The following PRMT8 variants were observed in gnomAD, a reference collection of about 807,000 sequenced individuals.
PRMT8 encodes the protein protein arginine methyltransferase 8.
Under a neutral mutation model 47.1 loss-of-function variants are expected in PRMT8, and 7 were observed. The ratio of observed to expected loss-of-function variants is 0.15; its 90% CI spans 0.08 to 0.28. The LOEUF is 0.28. Among genes scored for constraint, PRMT8 ranks in the 10% least tolerant of loss-of-function variants. The pLI, the probability that PRMT8 is intolerant of heterozygous loss-of-function variation, is 1.00. For synonymous variants in PRMT8, 188 were observed against 186.5 expected, an observed-to-expected ratio of 1.01 and a Z score of -0.07; for missense variants, 237 against 505.4, an observed-to-expected ratio of 0.47 and a Z score of 5.09.
chr12:3,425,662 T>C (rs1864596511), intron 1 of PRMT8, among the ~76,000 whole-genome samples: 1 of 152,254 alleles, frequency 6.6e-6, no homozygotes, highest in African/African-American at 2.4e-5. Flanking sequence ...ATTTTGGGCT[T>C]TAATTGATCA....
chr12:3,540,823 C>T (rs374159914), intron 2 of PRMT8, 32 bp downstream of exon 2: 41 of 1,595,394 alleles, frequency 2.6e-5, no homozygotes, highest in Middle Eastern at 1.7e-4. Flanking sequence ...GCTAATGGGG[C>T]GAGGCTGACT....
In PRMT8 at chr12:3,491,694, C is replaced by T. The variant is rs765141456; in HGVS notation, c.69C>T (p.Ser23=). 2 of 1,609,542 alleles carry T rather than the reference C, an allele frequency of 1.2e-6. No individual in the cohort carries two copies. The highest frequency in any genetic ancestry group is 1.7e-6 in the Non-Finnish European group (2 of 1,179,398). ...AAATGGCGGAGAACGCGGCCGAGAG[C>T]ACCGAGGTAAGGAGGCGAGCGAGCA... ...RRKMAENAAE[S]TEVNSPPSQP... Residue 23 remains serine, a synonymous_variant, in exon 1 of 10, where the codon AGC becomes AGT. Coordinates refer to ENST00000382622, the MANE Select transcript of PRMT8 (RefSeq NM_019854.5).
intron 1 of PRMT8, among the ~76,000 whole-genome samples, chr12:3,471,744 AC>A (rs1011258059): frequency 6.6e-6 from 1 of 151,944 alleles, no homozygotes; most frequent in African/African-American, 2.4e-5. Flanking sequence ...CTGATTGGTC[AC>A]CATGGCCCTT....
At chr12:3,560,088 CA>C (rs1866606048) in intron 4 of PRMT8, among the ~76,000 whole-genome samples, 1 of 152,170 alleles carries the variant, frequency 6.6e-6, no homozygotes, top group South Asian at 2.1e-4. Context: ...TTTTTCCTCC[CA>C]GGGTTTGCAA....
intron 1 of PRMT8, among the ~76,000 whole-genome samples, chr12:3,415,193 G>C (rs1057437705): frequency 2.0e-5 from 3 of 152,128 alleles, no homozygotes; most frequent in Non-Finnish European, 4.4e-5. Context: ...TATCACAAAG[G>C]GTACAGATGA....
chr12:3,509,784 G>C (rs969504319), intron 1 of PRMT8, among the ~76,000 whole-genome samples: 2 of 152,234 alleles, frequency 1.3e-5, no homozygotes, highest in African/African-American at 4.8e-5. Context: ...AAGCAAGTCC[G>C]CAGTTAAGCT....
intron 1 of PRMT8, among the ~76,000 whole-genome samples, chr12:3,414,009 G>A (rs898715295): frequency 3.9e-5 from 6 of 152,096 alleles, no homozygotes; most frequent in African/African-American, 4.8e-5. Context: ...TTTATGTATC[G>A]AAAGACCAAA....
At chr12:3,577,665 AC>A (rs1342257758) in intron 7 of PRMT8, among the ~76,000 whole-genome samples, 1 of 131,060 alleles carries the variant, frequency 7.6e-6, no homozygotes, top group Non-Finnish European at 1.6e-5. Context: ...ACATTAAGAG[AC>A]TTTTTTGTGG....
rs1216939835 is a variant in PRMT8, at chr12:3,580,150, G to A, written c.829-2908G>A. Among the ~76,000 whole-genome samples, 1 of 152,126 alleles carries A rather than the reference G, an allele frequency of 6.6e-6. No homozygotes were observed. Among genetic ancestry groups the A allele is most frequent in the Non-Finnish European group, 1.5e-5 (1 of 68,036 alleles). On this transcript the variant is annotated intron_variant, in intron 7 of 9. Transcript: ENST00000382622. The surrounding 1 kb of genome is among the most constrained non-coding windows in gnomAD (Gnocchi z 4.6). ...CTGCCCTTATTGTTGCCATTATAAT[G>A]TGCGGCTTCAATACTTTTGGTCCTA...
rs1866542526 is a variant in PRMT8 at position 3,557,198 on chromosome 12, G to A, written c.481+3484G>A. Among the ~76,000 whole-genome samples the A allele has an allele frequency of 6.6e-6, 1 of 152,156 alleles. No homozygotes were observed. The highest frequency in any genetic ancestry group is 2.4e-5 in the African/African-American group (1 of 41,426). On this transcript the variant is annotated intron_variant, in intron 4 of 9. Transcript: ENST00000382622. The surrounding 1 kb of genome is among the most constrained non-coding windows in gnomAD (Gnocchi z 4.7). ...AGATGTGTGACCATAGAGGCTCAGT[G>A]AGTCCCATCCTTGCTGTTGTGTGAT...
chr12:3,454,553 G>T lies in PRMT8; in HGVS notation c.48+73111G>T, dbSNP rs759631127. Among the ~76,000 whole-genome samples the T allele has an allele frequency of 4.6e-5, 7 of 152,270 alleles. No individual in the cohort carries two copies. In the East Asian group the frequency reaches 9.7e-4, roughly 21 times the overall value. On this transcript the variant is annotated intron_variant, in intron 1 of 9. Coordinates refer to the PRMT8 transcript ENST00000452611. ...CCTGGAGGAGAGAGGAGGAGCAGGG[G>T]CCAGGGAAGACGGGGCGGGCAAGAG...
At chr12:3,487,505 A>G (rs1266847573), upstream of PRMT8, among the ~76,000 whole-genome samples, 8 of 152,214 alleles carry the variant, frequency 5.3e-5, no homozygotes, top group Non-Finnish European at 8.8e-5. Flanking sequence ...ACAGAATTAC[A>G]GAGTCCCAGC....
intron 4 of PRMT8, among the ~76,000 whole-genome samples, chr12:3,559,945 A>G (rs1054641502): frequency 2.0e-5 from 3 of 152,166 alleles, no homozygotes; most frequent in Admixed American, 6.5e-5. Context: ...TACCGAGGCA[A>G]AGGCTTGAAG....
intron 1 of PRMT8, among the ~76,000 whole-genome samples, chr12:3,432,519 C>T (rs577730829): frequency 6.6e-5 from 10 of 152,180 alleles, no homozygotes; most frequent in Non-Finnish European, 1.5e-4. Context: ...AGGCAGTGGG[C>T]AGTACCTGAG....
intron 1 of PRMT8, among the ~76,000 whole-genome samples, chr12:3,528,435 A>G (rs533163732): frequency 2.6e-5 from 4 of 152,252 alleles, no homozygotes; most frequent in African/African-American, 9.6e-5. Context: ...CTAATCTGCT[A>G]TTAACCTCAA....
chr12:3,382,310 C>A (rs1864100201), intron 1 of PRMT8, among the ~76,000 whole-genome samples: 1 of 152,216 alleles, frequency 6.6e-6, no homozygotes, highest in Non-Finnish European at 1.5e-5. Context: ...AACCACCAAA[C>A]TGTTTTCCAG....
chr12:3,496,212 A>ATTTTTTTTTT (rs1444249290), intron 1 of PRMT8, among the ~76,000 whole-genome samples: 16 of 19,396 alleles, frequency 8.2e-4, no homozygotes, highest in East Asian at 1.5e-3. Flanking sequence ...ATATATATAT[A>ATTTTTTTTTT]TATTTTTTTT....
chr12:3,510,427 A>G (rs1309751843), intron 1 of PRMT8, among the ~76,000 whole-genome samples: 1 of 152,240 alleles, frequency 6.6e-6, no homozygotes, highest in East Asian at 1.9e-4. Context: ...TTCCCAACAC[A>G]AAGCAATGAC....
intron 1 of PRMT8, among the ~76,000 whole-genome samples, chr12:3,506,054 A>T (rs1865619223): frequency 6.6e-6 from 1 of 152,186 alleles, no homozygotes; most frequent in Non-Finnish European, 1.5e-5. Flanking sequence ...CTCAGCCTGT[A>T]GCAGTTCTGT....
Sources: gnomAD v4.1 joint callset for allele counts (sites outside exome capture counted in the v4.1 genomes callset) on GRCh38, gnomAD v4.1.1 for gene constraint, Gnocchi (gnomAD v3.1) non-coding constraint, MANE v1.5 for transcripts, NCBI Gene and HGNC (gene_info 2026-07-23, HGNC 2026-07-21) for gene names.